PCYT1B: variants seen among roughly 807,000 people sequenced by gnomAD.
PCYT1B encodes the protein choline-phosphate cytidylyltransferase B.
PCYT1B carries 10 observed loss-of-function variants against 26.4 expected under a neutral mutation model. The ratio of observed to expected loss-of-function variants is 0.38; its 90% CI spans 0.23 to 0.64. PCYT1B has a LOEUF of 0.64. Among genes scored for constraint, PCYT1B ranks in the 30% least tolerant of loss-of-function variants. The pLI, the probability that PCYT1B is intolerant of heterozygous loss-of-function variation, is 0.56. For missense variants in PCYT1B, 161 were observed against 292.7 expected, an observed-to-expected ratio of 0.55 and a Z score of 3.28; for synonymous variants, 131 against 108.4, an observed-to-expected ratio of 1.21 and a Z score of -1.29.
rs1409573188 is a variant in PCYT1B at position 24,560,472 on chromosome X, G to T, written c.*1821C>A. 8.9e-6 allele frequency: 1 copy of T among 112,098 alleles called. No homozygotes were observed. The highest frequency in any genetic ancestry group is 1.9e-5 in the Non-Finnish European group (1 of 53,221). The allele number at this position is 112,098 out of a possible 1,213,427, so 9.2% of individuals were successfully genotyped here. ...TCTGGGTGGCCCTTGACTGCAAAAA[G>T]AAGTTTTCTTCTTCACATGCCATGT... On this transcript the variant is annotated 3_prime_UTR_variant, in exon 8 of 8. Coordinates refer to ENST00000379144, the MANE Select transcript of PCYT1B (RefSeq NM_004845.5).
intron 1 of PCYT1B, among the ~76,000 whole-genome samples, chrX:24,670,995 T>A (rs918785610): frequency 9.1e-6 from 1 of 109,935 alleles, no homozygotes; most frequent in Non-Finnish European, 1.9e-5. Context: ...GGCAACAGAG[T>A]CTCACTCTGT....
chrX:24,611,305 T>C (rs1925301084), intron 2 of PCYT1B, among the ~76,000 whole-genome samples: 2 of 111,550 alleles, frequency 1.8e-5, no homozygotes, highest in African/African-American at 6.5e-5. Context: ...GTATGGCTTT[T>C]TAGTTTGTAT....
intron 3 of PCYT1B, among the ~76,000 whole-genome samples, chrX:24,606,829 T>C (rs1925152395): frequency 9.1e-6 from 1 of 110,364 alleles, no homozygotes; most frequent in South Asian, 3.9e-4. Context: ...ATTGCACCAC[T>C]GCACTCCAGT....
At chrX:24,629,093 G>A (rs1602192576) in intron 1 of PCYT1B, among the ~76,000 whole-genome samples, 1 of 111,543 alleles carries the variant, frequency 9.0e-6, no homozygotes, top group African/African-American at 3.3e-5. Context: ...GTTTCAATTT[G>A]CATTATTTTG....
intron 1 of PCYT1B, among the ~76,000 whole-genome samples, chrX:24,668,866 TTATCA>T (rs1396245270): frequency 9.0e-6 from 1 of 111,330 alleles, no homozygotes; most frequent in Admixed American, 9.5e-5. Flanking sequence ...TGATGTGTAA[TTATCA>T]TATCAATTGC....
chrX:24,603,777 A>T (rs966553555), intron 3 of PCYT1B, among the ~76,000 whole-genome samples: 5 of 112,092 alleles, frequency 4.5e-5, no homozygotes, highest in African/African-American at 1.6e-4. Flanking sequence ...ATTTGAGTCT[A>T]GAATCTGCCT....
rs1923265308 is a variant in PCYT1B at position 24,558,921 on chromosome X, G to T, written c.*3372C>A. On this transcript the variant is annotated 3_prime_UTR_variant, in exon 8 of 8. Transcript: ENST00000379144. ...GTGCTGAAATGAAGCAACCAGAGAG[G>T]CAGGGACCCCATATCCTGCATGGGC... 9.0e-6 allele frequency: 1 copy of T among 111,016 alleles called. No homozygotes were observed. The highest frequency in any genetic ancestry group is 1.9e-5 in the Non-Finnish European group (1 of 53,016). 9.1% of individuals were successfully genotyped at this position (111,016 alleles called of 1,213,427 possible). A position where few individuals can be genotyped will look rare whatever the true frequency, so the allele number is the denominator to read the frequency against.
intron 7 of PCYT1B, among the ~76,000 whole-genome samples, chrX:24,568,563 A>AT (rs905915262): frequency 9.0e-6 from 1 of 110,534 alleles, no homozygotes; most frequent in African/African-American, 3.3e-5. Flanking sequence ...AAAAATATAG[A>AT]TTTTAAAAAT....
chrX:24,632,299 G>T, intron 1 of PCYT1B: 1 of 133,751 alleles, frequency 7.5e-6, no homozygotes, highest in East Asian at 1.8e-4. Flanking sequence ...CCAAGAAGGT[G>T]GTGTGACCAA....
intron 1 of PCYT1B, among the ~76,000 whole-genome samples, chrX:24,620,891 C>A (rs1000671312): frequency 9.0e-6 from 1 of 111,680 alleles, no homozygotes; most frequent in African/African-American, 3.2e-5. Context: ...GCATTAAAGC[C>A]GCTGCTTGCT....
intron 1 of PCYT1B, among the ~76,000 whole-genome samples, chrX:24,630,144 G>A: frequency 8.9e-6 from 1 of 111,783 alleles, no homozygotes; most frequent in East Asian, 2.8e-4. Flanking sequence ...AGTTTATAGT[G>A]AACATCAATA....
At chrX:24,637,491 A>AATATATATATATATATATATAT (rs1555963533) in intron 1 of PCYT1B, among the ~76,000 whole-genome samples, 1 of 52,872 alleles carries the variant, frequency 1.9e-5, no homozygotes, top group African/African-American at 1.5e-4. Context: ...AAAAAAAAAA[A>AATATATATATATATATATATAT]ATATATATAT....
intron 7 of PCYT1B, among the ~76,000 whole-genome samples, chrX:24,571,786 A>G (rs746633719): frequency 9.0e-6 from 1 of 110,828 alleles, no homozygotes; most frequent in South Asian, 4.0e-4. Flanking sequence ...TATCTCTACA[A>G]AAAATTTAAA....
intron 3 of PCYT1B, among the ~76,000 whole-genome samples, chrX:24,597,998 A>G (rs994364816): frequency 8.9e-6 from 1 of 112,412 alleles, no homozygotes; most frequent in Non-Finnish European, 1.9e-5. Flanking sequence ...TGTAGATAAG[A>G]GTAAGCACTT....
chrX:24,631,975 G>A (rs1364749069), intron 1 of PCYT1B, among the ~76,000 whole-genome samples: 1 of 111,195 alleles, frequency 9.0e-6, no homozygotes, highest in Non-Finnish European at 1.9e-5. Context: ...TGTTGTGTGT[G>A]TGAGTGTGCC....
In PCYT1B at chrX:24,634,773, C is replaced by A. The variant is rs762997032; in HGVS notation, c.117+12216G>T. On this transcript the variant is annotated intron_variant, in intron 1 of 7. Coordinates refer to ENST00000379144, the MANE Select transcript of PCYT1B (RefSeq NM_004845.5). ...AACAAACAAACAACAACAACAACAA[C>A]AAAAACATTTCCTGCAATGAAATAG... Among the ~76,000 whole-genome samples, 5 of 110,991 alleles carry A rather than the reference C, an allele frequency of 4.5e-5. No homozygotes were observed. In the South Asian group the frequency reaches 1.1e-3, roughly 26 times the overall value.
At chrX:24,624,891 G>A (rs1925836825) in intron 1 of PCYT1B, among the ~76,000 whole-genome samples, 1 of 112,280 alleles carries the variant, frequency 8.9e-6, no homozygotes. Context: ...CCATACCTTT[G>A]TAAGTATTAC....
intron 7 of PCYT1B, among the ~76,000 whole-genome samples, chrX:24,569,669 A>G (rs1300160159): frequency 1.8e-5 from 2 of 112,436 alleles, no homozygotes; most frequent in East Asian, 5.6e-4. Context: ...CAAATGCTGT[A>G]TGATTCCACT....
chrX:24,599,132 T>A (rs1250316187), intron 3 of PCYT1B, among the ~76,000 whole-genome samples: 1 of 111,710 alleles, frequency 9.0e-6, no homozygotes, highest in African/African-American at 3.3e-5. Flanking sequence ...TATAGCCTTT[T>A]GTTAGAAGTC....
Sources: gnomAD v4.1 joint callset for allele counts (sites outside exome capture counted in the v4.1 genomes callset) on GRCh38, gnomAD v4.1.1 for gene constraint, MANE v1.5 for transcripts, NCBI Gene and HGNC (gene_info 2026-07-23, HGNC 2026-07-21) for gene names.